Variants in MYH11 observed in about 807,000 individuals in gnomAD.
MYH11 encodes myosin-11.
MYH11 carries 80 observed loss-of-function variants against 246.6 expected under a neutral mutation model. The ratio of observed to expected loss-of-function variants is 0.32; its 90% CI spans 0.27 to 0.39. The LOEUF (loss-of-function observed/expected upper bound fraction) is 0.39, where lower values mean the gene tolerates loss of function less well. Among genes scored for constraint, MYH11 ranks in the 10% least tolerant of loss-of-function variants. The pLI, the probability that MYH11 is intolerant of heterozygous loss-of-function variation, is 1.00. For synonymous variants in MYH11, 1,071 were observed against 1,015.5 expected, an observed-to-expected ratio of 1.05 and a Z score of -1.04; for missense variants, 2,158 against 2,546.8, an observed-to-expected ratio of 0.85 and a Z score of 3.29.
At chr16:15,704,941 A>G (rs1019334760) in intron 40 of MYH11, among the ~76,000 whole-genome samples, 4 of 152,154 alleles carry the variant, frequency 2.6e-5, no homozygotes, top group Non-Finnish European at 5.9e-5. Flanking sequence ...GGCCTCCCAA[A>G]GCGCTGGCAT....
At chr16:15,730,369 TA>T (rs746923275) in intron 27 of MYH11, among the ~76,000 whole-genome samples, 1,043 of 97,220 alleles carry the variant, frequency 0.011, 9 homozygotes, top group African/African-American at 0.022. Flanking sequence ...CCATCTCTAC[TA>T]AAAAAAAAAA....
chr16:15,833,388 GAA>G (rs2043800895), intron 2 of MYH11, among the ~76,000 whole-genome samples: 1 of 93,338 alleles, frequency 1.1e-5, no homozygotes, highest in East Asian at 2.4e-4. Context: ...AGGGAGGGAG[GAA>G]GGAAGGAAGG....
chr16:15,787,171 T>C (rs945475835), intron 4 of MYH11, among the ~76,000 whole-genome samples: 3 of 151,930 alleles, frequency 2.0e-5, no homozygotes, highest in Non-Finnish European at 4.4e-5. Context: ...ATTTGGGAAG[T>C]TGAGGCAGGA....
In MYH11 at chr16:15,720,723, A is replaced by G. The variant is rs532296929; in HGVS notation, c.4791+116T>C. 1.1e-5 allele frequency: 13 copies of G among 1,150,368 alleles called. No homozygotes were observed. In the South Asian group the frequency reaches 1.7e-4, roughly 15 times the overall value. 71.3% of individuals were successfully genotyped at this position (1,150,368 alleles called of 1,614,324 possible). On this transcript the variant is annotated intron_variant, in intron 33 of 40. Coordinates refer to ENST00000300036, the MANE Select transcript of MYH11 (RefSeq NM_002474.3). ...ACTCCAGCCTGGGCGACAGAGCGAG[A>G]CTCTGTTTCAAAAAAAAATAAAGAA...
At chr16:15,747,394 C>T (rs1161577494) in intron 19 of MYH11, among the ~76,000 whole-genome samples, 176 bp downstream of exon 19, 1 of 152,106 alleles carries the variant, frequency 6.6e-6, no homozygotes, top group South Asian at 2.1e-4. Flanking sequence ...TTCCTGCACT[C>T]GTAACTTGGT....
chr16:15,793,271 C>T (rs114258721), intron 4 of MYH11, among the ~76,000 whole-genome samples: 3,258 of 152,054 alleles, frequency 0.021, 47 homozygotes, highest in African/African-American at 0.036. Context: ...TTTCAGTTTC[C>T]TTCCTTTCTT....
intron 4 of MYH11, among the ~76,000 whole-genome samples, chr16:15,787,086 C>T (rs970525318): frequency 2.7e-5 from 4 of 149,864 alleles, no homozygotes; most frequent in African/African-American, 7.4e-5. Flanking sequence ...AGCTCAGCAA[C>T]ACAGAGAGAC....
At chr16:15,824,242 T>G (rs548937024) in intron 2 of MYH11, among the ~76,000 whole-genome samples, 9 of 152,068 alleles carry the variant, frequency 5.9e-5, no homozygotes, top group Non-Finnish European at 1.0e-4. Flanking sequence ...ACGGGAGCAG[T>G]TAAGTCTGAA....
At chr16:15,774,413 G>A (rs1274224788) in intron 8 of MYH11, among the ~76,000 whole-genome samples, 1 of 152,164 alleles carries the variant, frequency 6.6e-6, no homozygotes, top group Non-Finnish European at 1.5e-5. Context: ...TTTCTTGGGT[G>A]CCAAATAAAA....
chr16:15,735,300 C>T, intron 26 of MYH11, 66 bp downstream of exon 26: 3 of 1,577,324 alleles, frequency 1.9e-6, no homozygotes, highest in Non-Finnish European at 2.6e-6. Flanking sequence ...GGGTTTGTCC[C>T]CTCTTCTGCC....
At chr16:15,745,582 CTTTTTTT>C (rs71981525) in intron 19 of MYH11, among the ~76,000 whole-genome samples, 4 of 94,390 alleles carry the variant, frequency 4.2e-5, no homozygotes, top group African/African-American at 8.1e-5. Flanking sequence ...TTCTTTCTTT[CTTTTTTT>C]TTTTTTTTTT....
At chr16:15,786,764 C>T (rs376542955) in intron 4 of MYH11, 32 bp from the exon 5 acceptor site, 13 of 1,581,874 alleles carry the variant, frequency 8.2e-6, no homozygotes, top group East Asian at 4.5e-5. Flanking sequence ...TCTATGCACA[C>T]GTTCCATGGT....
chr16:15,771,543 C>A, intron 9 of MYH11, 26 bp downstream of exon 9: 1 of 1,612,718 alleles, frequency 6.2e-7, no homozygotes, highest in Non-Finnish European at 8.5e-7. Context: ...GCAAGCTACC[C>A]TCCAGACTCA....
intron 7 of MYH11, among the ~76,000 whole-genome samples, chr16:15,777,436 A>G (rs58081475): frequency 0.22 from 33,647 of 152,048 alleles, 3,942 homozygotes; most frequent in African/African-American, 0.26. Flanking sequence ...GTGTGTTTCT[A>G]AAGAGCTCCC....
Position 15,756,334 on chromosome 16 carries a change from C to G in MYH11, c.1749+7G>C. On this transcript the variant is annotated splice_region_variant and intron_variant, in intron 14 of 40. Transcript: ENST00000300036. ...AGACAGAGTCCCCTGGGCCCTGTGGCTGGTACCTTCCCAGCATAATGGATG... is the reference window on the plus strand; with the variant it reads ...AGACAGAGTCCCCTGGGCCCTGTGGGTGGTACCTTCCCAGCATAATGGATG... 3.1e-6 allele frequency: 5 copies of G among 1,613,960 alleles called. No individual in the cohort carries two copies. The highest frequency in any genetic ancestry group is 4.2e-6 in the Non-Finnish European group (5 of 1,180,010).
chr16:15,705,515 A>G (rs1348505707), intron 40 of MYH11, among the ~76,000 whole-genome samples: 4 of 152,166 alleles, frequency 2.6e-5, no homozygotes, highest in African/African-American at 9.7e-5. Context: ...CTTTTCAGCA[A>G]CCGCAACAAA....
At chr16:15,813,159 C>T (rs1329821518) in intron 3 of MYH11, among the ~76,000 whole-genome samples, 1 of 152,042 alleles carries the variant, frequency 6.6e-6, no homozygotes, top group African/African-American at 2.4e-5. Flanking sequence ...AGGGGTGAAA[C>T]TCTGTCTCAA....
rs1225099089 is a variant in MYH11, at chr16:15,715,214, A to T, written c.5563T>A (p.Leu1855Met). Residue 1855 changes from leucine (L) to methionine (M), a missense_variant, in exon 39 of 41, where the codon TTG (leucine) becomes ATG (methionine). Around this residue, in one of 11 missense-constraint regions of MYH11, gnomAD observed 1,013 missense variants for 993.5 expected, o/e 1.02. Coordinates refer to ENST00000300036, the MANE Select transcript of MYH11 (RefSeq NM_002474.3). ...TTGCGCTCGTCCTCCACCTGCAGCAAGATTTCCTTCAGCTTCTTGTCTTTC... is the reference window on the plus strand; with the variant it reads ...TTGCGCTCGTCCTCCACCTGCAGCATGATTTCCTTCAGCTTCTTGTCTTTC... ...KQKDKKLKEILLQVEDERKMA... is the reference protein window; with the variant it reads ...KQKDKKLKEIMLQVEDERKMA... 1.2e-6 allele frequency: 2 copies of T among 1,613,988 alleles called. No homozygotes were observed. Among genetic ancestry groups the T allele is most frequent in the African/African-American group, 2.7e-5 (2 of 74,920 alleles).
rs898183293 is a variant in MYH11 at position 15,776,084 on chromosome 16, T to A, written c.883A>T (p.Met295Leu). The change falls in exon 8 of 41, where the codon ATG (methionine) becomes TTG (leucine). Residue 295 changes from methionine to leucine, a missense_variant. Transcript: ENST00000300036. ...YYMIAGAKEK[M>L]RSDLLLEGFN... ...GTCATTGCTAGTCACTTACTTCTCATCTTCTCCTTGGCTCCAGCAATCATG... is the reference window on the plus strand; with the variant it reads ...GTCATTGCTAGTCACTTACTTCTCAACTTCTCCTTGGCTCCAGCAATCATG... 6.2e-7 allele frequency: 1 copy of A among 1,611,586 alleles called. No homozygotes were observed. Among genetic ancestry groups the A allele is most frequent in the Non-Finnish European group, 8.5e-7 (1 of 1,177,770 alleles).
Sources: gnomAD v4.1 joint callset for allele counts (sites outside exome capture counted in the v4.1 genomes callset) on GRCh38, gnomAD v4.1.1 for gene constraint, gnomAD v4.1.1 regional missense constraint, MANE v1.5 for transcripts, NCBI Gene and HGNC (gene_info 2026-07-23, HGNC 2026-07-21) for gene names.